The following TRIM38 variants were observed in gnomAD, a reference collection of about 807,000 sequenced individuals.
TRIM38 encodes E3 ubiquitin-protein ligase TRIM38.
In TRIM38, 35 loss-of-function variants were observed where a neutral mutation model predicts 35.8. The observed-to-expected ratio is 0.98, with a 90% CI of 0.75 to 1.30. The LOEUF (loss-of-function observed/expected upper bound fraction) is 1.30. Among genes scored for constraint, TRIM38 ranks in the 50% most tolerant of loss-of-function variants. The pLI is 0.00. For synonymous variants in TRIM38, 198 were observed against 204.7 expected, an observed-to-expected ratio of 0.97 and a Z score of 0.28; for missense variants, 545 against 556.9, an observed-to-expected ratio of 0.98 and a Z score of 0.21.
At chr6:25,974,952 C>T in intron 7 of TRIM38, 1 of 985,220 alleles carries the variant, frequency 1.0e-6, no homozygotes, top group African/African-American at 1.7e-5. Context: ...TGGGATTTCA[C>T]TGAGTCAATT....
rs369661648 is a variant in TRIM38, at chr6:25,973,158, C to T, written c.762-15C>T. ...ATGCACCTCTGAAGAAATCTCTCGC[C>T]TCTGCTTATTCTAGGAGTTGGGCTG... On this transcript the variant is annotated splice_polypyrimidine_tract_variant and intron_variant, in intron 6 of 7. Coordinates refer to ENST00000357085, the MANE Select transcript of TRIM38 (RefSeq NM_006355.5). The T allele has an allele frequency of 4.6e-5, 74 of 1,614,026 alleles. No individual in the cohort carries two copies. The highest frequency in any genetic ancestry group is 6.0e-5 in the Non-Finnish European group (71 of 1,180,018).
At chr6:25,974,682 T>C (rs545537174) in intron 7 of TRIM38, among the ~76,000 whole-genome samples, 11 of 152,230 alleles carry the variant, frequency 7.2e-5, no homozygotes, top group African/African-American at 2.4e-4. Flanking sequence ...TGCAGATATA[T>C]TGATGAATTT....
At chr6:25,974,854 A>G (rs888780587) in intron 7 of TRIM38, 1 of 982,338 alleles carries the variant, frequency 1.0e-6, no homozygotes, top group African/African-American at 1.7e-5. Flanking sequence ...AATACACAAC[A>G]ACAAACAACA....
intron 3 of TRIM38, among the ~76,000 whole-genome samples, chr6:25,968,156 T>C (rs992640449): frequency 2.0e-5 from 3 of 152,190 alleles, no homozygotes; most frequent in Non-Finnish European, 4.4e-5. Context: ...CTGTCCTCCA[T>C]GAGGCAGAGG....
Position 25,971,900 on chromosome 6 carries a change from G to A in TRIM38, c.539G>A (p.Arg180Gln), listed in dbSNP as rs1366262540. The A allele has an allele frequency of 7.4e-6, 12 of 1,614,004 alleles. No homozygotes were observed. Among genetic ancestry groups the A allele is most frequent in the Admixed American group, 3.3e-5 (2 of 59,994 alleles). ...EKVQIQRQKI[R>Q]SDFKNLQCFL... ...GTACAGATTCAGAGACAAAAAATCC[G>A]GTCTGACTTTAAGAATCTCCAGTGT... The change falls in exon 5 of 8, where the codon CGG (arginine) becomes CAG (glutamine). Residue 180 changes from arginine to glutamine, a missense_variant. Physicochemically the swap from Arg to Gln is conservative, Grantham distance 43 (BLOSUM62 1). Transcript: ENST00000357085.
intron 7 of TRIM38, among the ~76,000 whole-genome samples, chr6:25,977,260 TC>T (rs1663608457): frequency 6.6e-6 from 1 of 152,182 alleles, no homozygotes; most frequent in South Asian, 2.1e-4. Context: ...TGCCTGTAGT[TC>T]CAGCTACTGG....
chr6:25,966,973 C>A, intron 3 of TRIM38, 40 bp downstream of exon 3: 1 of 1,533,944 alleles, frequency 6.5e-7, no homozygotes, highest in South Asian at 1.3e-5. Flanking sequence ...AGTACCAAGT[C>A]TTATCCTGCT....
In TRIM38 at chr6:25,971,910, TA is replaced by T; in HGVS notation, c.551del (p.Lys184ArgfsTer26). ...IQRQKIRSDF[K>X]NLQCFLHEEE... The stretch of plus-strand genomic sequence containing the variant: ...AGAGACAAAAAATCCGGTCTGACTT[TA>T]AGAATCTCCAGTGTTTCCTACATGA... On this transcript the variant is annotated frameshift_variant, in exon 5 of 8. Transcript: ENST00000357085. LOFTEE classifies it high-confidence loss of function. The T allele has an allele frequency of 6.2e-7, 1 of 1,614,180 alleles. No individual in the cohort carries two copies. The highest frequency in any genetic ancestry group is 1.1e-5 in the South Asian group (1 of 91,086).
chr6:25,972,967 G>T, intron 5 of TRIM38, 87 bp from the exon 6 acceptor site: 1 of 1,553,598 alleles, frequency 6.4e-7, no homozygotes, highest in Non-Finnish European at 8.8e-7. Flanking sequence ...ACTTCTTCGG[G>T]TAAAGCAAAG....
At chr6:25,974,607 C>T (rs559881342) in intron 7 of TRIM38, among the ~76,000 whole-genome samples, 12 of 152,288 alleles carry the variant, frequency 7.9e-5, no homozygotes, top group East Asian at 7.7e-4. Flanking sequence ...CAACCCTGAA[C>T]GGCACTGAGA....
At chr6:25,965,608 G>A (rs529230162) in intron 2 of TRIM38, among the ~76,000 whole-genome samples, 1 of 152,178 alleles carries the variant, frequency 6.6e-6, no homozygotes, top group African/African-American at 2.4e-5. Context: ...GCCTGGGCAA[G>A]AGAGCGAGAA....
rs976808979 is a variant in TRIM38 at position 25,986,105 on chromosome 6, T to C, written c.*2418T>C. ...ACAAAAGAATATATACTGGAATAAT[T>C]TTGAGAGTAATTTGAAGAATTAGAT... On this transcript the variant is annotated 3_prime_UTR_variant, in exon 8 of 8. Coordinates refer to ENST00000357085, the MANE Select transcript of TRIM38 (RefSeq NM_006355.5). 3 of 152,072 alleles carry C rather than the reference T, an allele frequency of 2.0e-5. No homozygotes were observed. The highest frequency in any genetic ancestry group is 2.9e-5 in the Non-Finnish European group (2 of 68,014). The allele number at this position is 152,072 out of a possible 1,614,324, so 9.4% of individuals were successfully genotyped here. A position where few individuals can be genotyped will look rare whatever the true frequency, so the allele number is the denominator to read the frequency against.
At chr6:25,965,962 A>G (rs1186774487) in intron 2 of TRIM38, among the ~76,000 whole-genome samples, 2 of 152,006 alleles carry the variant, frequency 1.3e-5, no homozygotes, top group South Asian at 2.1e-4. Context: ...GAAAAGAAAA[A>G]TAATGAAATA....
chr6:25,980,568 G>A (rs1434439281), intron 7 of TRIM38, among the ~76,000 whole-genome samples: 2 of 152,078 alleles, frequency 1.3e-5, no homozygotes, highest in Non-Finnish European at 2.9e-5. Context: ...TTACAGGCAT[G>A]TGCCACAATG....
At chr6:25,964,335 A>T (rs982918515) in intron 2 of TRIM38, among the ~76,000 whole-genome samples, 1 of 152,144 alleles carries the variant, frequency 6.6e-6, no homozygotes, top group South Asian at 2.1e-4. Context: ...TTTATTTCAG[A>T]GGGGAAGGGT....
At chr6:25,964,833 A>G (rs762249473) in intron 2 of TRIM38, among the ~76,000 whole-genome samples, 1 of 147,154 alleles carries the variant, frequency 6.8e-6, no homozygotes, top group Non-Finnish European at 1.5e-5. Flanking sequence ...TTTTTTTAAG[A>G]CAGATTCTCG....
At chr6:25,969,018 G>C (rs1484469402) in intron 3 of TRIM38, among the ~76,000 whole-genome samples, 2 of 152,244 alleles carry the variant, frequency 1.3e-5, no homozygotes, top group African/African-American at 4.8e-5. Flanking sequence ...GTCAGCAGAT[G>C]AGATTGCAAT....
rs1760498735 is a variant in TRIM38 at position 25,979,949 on chromosome 6, A to G, written c.875-3215A>G. Among the ~76,000 whole-genome samples, 4 of 152,120 alleles carry G rather than the reference A, an allele frequency of 2.6e-5. No homozygotes were observed. In the South Asian group the frequency reaches 8.3e-4, roughly 32 times the overall value. On this transcript the variant is annotated intron_variant, in intron 7 of 7. Coordinates refer to ENST00000357085, the MANE Select transcript of TRIM38 (RefSeq NM_006355.5). ...ACTTATTAGTAGTTTACATTTCCTA[A>G]TATTTAGAATCTTTTTAGTCATCTT...
intron 7 of TRIM38, among the ~76,000 whole-genome samples, chr6:25,982,434 G>T (rs1760571244): frequency 6.6e-6 from 1 of 152,170 alleles, no homozygotes; most frequent in Non-Finnish European, 1.5e-5. Context: ...GGCTCCCAGA[G>T]CTTAGGGCCT....
Sources: gnomAD v4.1 joint callset for allele counts (sites outside exome capture counted in the v4.1 genomes callset) on GRCh38, gnomAD v4.1.1 for gene constraint, MANE v1.5 for transcripts, NCBI Gene and HGNC (gene_info 2026-07-23, HGNC 2026-07-21) for gene names.